CWF19L2: variants seen among roughly 807,000 people sequenced by gnomAD.
CWF19L2 encodes the protein CWF19-like protein 2.
Under a neutral mutation model 111.7 loss-of-function variants are expected in CWF19L2, and 98 were observed. That is an observed-to-expected ratio of 0.88 (90% CI 0.75 to 1.04). The LOEUF (loss-of-function observed/expected upper bound fraction) is 1.04, where lower values mean the gene tolerates loss of function less well. CWF19L2 is among the 50% of genes least tolerant of loss of function. The pLI is 0.00. For missense variants in CWF19L2, 1,101 were observed against 1,051.4 expected (o/e 1.05, Z -0.65); for synonymous variants, 351 against 342.9 (o/e 1.02, Z -0.26).
At chr11:107,327,280 T>C (rs1859775768) in intron 17 of CWF19L2, among the ~76,000 whole-genome samples, 3 of 152,124 alleles carry the variant, frequency 2.0e-5, no homozygotes, top group South Asian at 2.1e-4. Context: ...ATCAAGCAAT[T>C]TGTCCATTTT....
chr11:107,389,634 AT>A, intron 12 of CWF19L2, among the ~76,000 whole-genome samples: 1 of 152,328 alleles, frequency 6.6e-6, no homozygotes, highest in South Asian at 2.1e-4. Flanking sequence ...TAGATGTAAG[AT>A]TATTCCCAGA....
At chr11:107,381,748 A>G (rs1200047684) in intron 12 of CWF19L2, among the ~76,000 whole-genome samples, 1 of 152,208 alleles carries the variant, frequency 6.6e-6, no homozygotes, top group East Asian at 1.9e-4. Context: ...AAAAAAGTAG[A>G]GGATTTCAAG....
intron 12 of CWF19L2, among the ~76,000 whole-genome samples, chr11:107,356,030 T>C (rs1311200408): frequency 6.6e-6 from 1 of 152,224 alleles, no homozygotes; most frequent in African/African-American, 2.4e-5. Flanking sequence ...ACTTAAAGTA[T>C]GTTCTCTGAA....
chr11:107,436,473 A>G (rs1861543211), intron 6 of CWF19L2, among the ~76,000 whole-genome samples: 1 of 152,192 alleles, frequency 6.6e-6, no homozygotes, highest in South Asian at 2.1e-4. Context: ...AATAGTGATA[A>G]ACTATCAGGA....
intron 12 of CWF19L2, among the ~76,000 whole-genome samples, chr11:107,359,386 C>A (rs1195875060): frequency 6.6e-6 from 1 of 152,168 alleles, no homozygotes; most frequent in South Asian, 2.1e-4. Context: ...GATGTAATTA[C>A]AAGTACCAGC....
chr11:107,389,549 C>A (rs929615532), intron 12 of CWF19L2, among the ~76,000 whole-genome samples: 3 of 152,134 alleles, frequency 2.0e-5, no homozygotes, highest in Non-Finnish European at 4.4e-5. Context: ...GAAACTGCAA[C>A]AAAGAATGCT....
intron 10 of CWF19L2, among the ~76,000 whole-genome samples, chr11:107,412,918 G>A (rs1026050299): frequency 1.8e-4 from 27 of 152,288 alleles, no homozygotes; most frequent in Middle Eastern, 3.4e-3. Flanking sequence ...ATGACATTCT[G>A]GAAAAGGCAA....
intron 14 of CWF19L2, among the ~76,000 whole-genome samples, chr11:107,344,410 G>C (rs1036489696): frequency 1.3e-5 from 2 of 152,120 alleles, no homozygotes; most frequent in African/African-American, 4.8e-5. Context: ...GGACAGCTCT[G>C]CTGATGACAA....
intron 10 of CWF19L2, 126 bp downstream of exon 10, chr11:107,416,083 C>G (rs1441895987): frequency 4.4e-6 from 1 of 226,204 alleles, no homozygotes; most frequent in Admixed American, 5.9e-5. Context: ...GGCGACAGAG[C>G]AAGACACTAT....
In CWF19L2 at chr11:107,428,579, T is replaced by C. The variant is rs145396341; in HGVS notation, c.1433+220A>G. On this transcript the variant is annotated intron_variant, in intron 8 of 17. Transcript: ENST00000282251. ...AAAGCAGCAACATATTTTGAACAAA[T>C]ATAGCTACTGCTTTCAGCTCTTAAA... Among the ~76,000 whole-genome samples, 370 of 138,298 alleles carry C rather than the reference T, an allele frequency of 2.7e-3. 1 individual carries two copies. The highest frequency in any genetic ancestry group is 9.9e-3 in the African/African-American group (354 of 35,578). The allele number at this position is 138,298 out of a possible 152,430, so 90.7% of individuals were successfully genotyped here. A position where few individuals can be genotyped will look rare whatever the true frequency, so the allele number is the denominator to read the frequency against.
intron 8 of CWF19L2, among the ~76,000 whole-genome samples, chr11:107,421,700 C>A (rs1861304795): frequency 6.6e-6 from 1 of 152,052 alleles, no homozygotes; most frequent in Non-Finnish European, 1.5e-5. Context: ...ACAAGACTGA[C>A]CATTCCAAGT....
At chr11:107,417,834 A>G (rs1861249097) in intron 9 of CWF19L2, among the ~76,000 whole-genome samples, 2 of 151,036 alleles carry the variant, frequency 1.3e-5, no homozygotes, top group African/African-American at 4.9e-5. Context: ...ATCTTGGCTC[A>G]CTGCAATCTC....
chr11:107,342,058 G>A (rs976742095), intron 14 of CWF19L2, among the ~76,000 whole-genome samples: 35 of 151,268 alleles, frequency 2.3e-4, no homozygotes, highest in Non-Finnish European at 3.8e-4. Flanking sequence ...CAATTTCATT[G>A]ATTTCTGCTC....
intron 10 of CWF19L2, among the ~76,000 whole-genome samples, chr11:107,405,850 A>AAAAAAG (rs5794548): frequency 1.4e-5 from 2 of 141,840 alleles, no homozygotes; most frequent in Non-Finnish European, 3.0e-5. Flanking sequence ...AAAAAAAAAA[A>AAAAAAG]AAGAAGAAGA....
At chr11:107,327,198 A>T in intron 17 of CWF19L2, 145 bp from the exon 18 acceptor site, 1 of 854,858 alleles carries the variant, frequency 1.2e-6, no homozygotes, top group African/African-American at 1.8e-5. Flanking sequence ...TGAAGTTAAA[A>T]AAATATGTTT....
At chr11:107,418,312 G>A (rs768721795) in intron 8 of CWF19L2, 25 bp from the exon 9 acceptor site, 4 of 1,468,026 alleles carry the variant, frequency 2.7e-6, no homozygotes, top group Non-Finnish European at 3.8e-6. Context: ...AAGATTAACA[G>A]CATATGAAAT....
intron 12 of CWF19L2, among the ~76,000 whole-genome samples, chr11:107,358,971 T>C (rs1860281216): frequency 6.6e-6 from 1 of 152,124 alleles, no homozygotes; most frequent in African/African-American, 2.4e-5. Flanking sequence ...TGCAAACAGA[T>C]ACAGAGTACA....
Position 107,439,155 on chromosome 11 carries a change from G to A in CWF19L2, c.599C>T (p.Pro200Leu), listed in dbSNP as rs763579160. 3.0e-5 allele frequency: 49 copies of A among 1,608,046 alleles called. 1 individual carries two copies. The Admixed American group carries it at 3.4e-4, about 11-fold the overall frequency. ...QSKLMERELN[P>L]YWKDGGTGLP... ...ACCTGTCCCACCATCCTTCCAGTACGGATTCAATTCTCTTTCCATCAGTTT... is the reference window on the plus strand; with the variant it reads ...ACCTGTCCCACCATCCTTCCAGTACAGATTCAATTCTCTTTCCATCAGTTT... Residue 200 changes from proline (P) to leucine (L), a missense_variant, in exon 6 of 18, where the codon CCG becomes CTG. Transcript: ENST00000282251.
Position 107,429,194 on chromosome 11 carries a change from C to G in CWF19L2, c.1038G>C (p.Thr346=). 1 of 1,613,720 alleles carries G rather than the reference C, an allele frequency of 6.2e-7. No individual in the cohort carries two copies. The highest frequency in any genetic ancestry group is 8.5e-7 in the Non-Finnish European group (1 of 1,179,766). ...GCCTTGGGTTAGATTCTCTTCTACA[C>G]GTTTCTAAAGACCCAGGTCTCTTAT... ...EKDKRPGSLE[T]CRRESNPRQN... is the part of the protein sequence containing the mutation. The change falls in exon 8 of 18, where the codon ACG becomes ACC. Residue 346 remains threonine, a synonymous_variant. Transcript: ENST00000282251.
Sources: allele counts gnomAD v4.1 joint callset (sites outside exome capture counted in the v4.1 genomes callset), GRCh38; gene constraint gnomAD v4.1.1; transcripts MANE v1.5; gene names NCBI Gene and HGNC (gene_info 2026-07-23, HGNC 2026-07-21).